CDC14A: variants seen among roughly 807,000 people sequenced by gnomAD.
The protein encoded by CDC14A is cell division cycle 14A.
In CDC14A, 53 loss-of-function variants were observed where a neutral mutation model predicts 74.4. The ratio of observed to expected loss-of-function variants is 0.71; its 90% CI spans 0.57 to 0.89. CDC14A has a LOEUF of 0.89. Ranked by LOEUF, CDC14A falls within the 40% of genes least tolerant of loss-of-function variation. CDC14A has a pLI of 0.00. For synonymous variants in CDC14A, 247 were observed against 258.4 expected, an observed-to-expected ratio of 0.96 and a Z score of 0.43; for missense variants, 646 against 713.7, an observed-to-expected ratio of 0.91 and a Z score of 1.08.
Position 100,513,806 on chromosome 1 carries a change from G to C in CDC14A, c.1756-4445G>C, listed in dbSNP as rs777395292. Among the ~76,000 whole-genome samples, 86 of 152,044 alleles carry C rather than the reference G, an allele frequency of 5.7e-4. 1 individual carries two copies. Among genetic ancestry groups the C allele is most frequent in the Non-Finnish European group, 3.1e-4 (21 of 67,950 alleles). ...AGATTAGTAGCAGATTTCCAGAACA[G>C]AACAAATTGTCTTGATCTCCTTACC... On this transcript the variant is annotated intron_variant, in intron 15 of 15. Transcript: ENST00000336454.
chr1:100,432,533 C>G (rs1307286375), intron 5 of CDC14A, among the ~76,000 whole-genome samples: 1 of 152,166 alleles, frequency 6.6e-6, no homozygotes, highest in Non-Finnish European at 1.5e-5. Context: ...TGGTGACTCA[C>G]AGCTGTAATC....
chr1:100,496,813 T>G (rs150564351), intron 13 of CDC14A, among the ~76,000 whole-genome samples: 27 of 152,196 alleles, frequency 1.8e-4, no homozygotes, highest in African/African-American at 6.3e-4. Context: ...AAGGAAAGAG[T>G]CTACAAGTAA....
chr1:100,480,730 T>C (rs1314161184), intron 10 of CDC14A, among the ~76,000 whole-genome samples: 2 of 152,200 alleles, frequency 1.3e-5, no homozygotes, highest in African/African-American at 4.8e-5. Context: ...GGAAAAGGTA[T>C]TGTAAGCAGT....
intron 10 of CDC14A, among the ~76,000 whole-genome samples, chr1:100,477,904 A>C (rs1420315198): frequency 6.6e-6 from 1 of 152,130 alleles, no homozygotes; most frequent in African/African-American, 2.4e-5. Flanking sequence ...TGAGGACCAA[A>C]ATATGTCCAG....
chr1:100,395,446 C>T (rs754472525), intron 4 of CDC14A, among the ~76,000 whole-genome samples: 10 of 152,236 alleles, frequency 6.6e-5, no homozygotes, highest in Admixed American at 3.9e-4. Context: ...TTCTTTTGTT[C>T]GCTCATCCCA....
chr1:100,352,001 T>TGCGCGC (rs780596608), upstream of CDC14A, among the ~76,000 whole-genome samples: 79 of 133,908 alleles, frequency 5.9e-4, no homozygotes, highest in Non-Finnish European at 5.2e-4. Context: ...TGTGTGTGTG[T>TGCGCGC]GTGCGCGCGC....
chr1:100,460,092 A>T (rs1206425725), intron 8 of CDC14A, among the ~76,000 whole-genome samples: 1 of 152,172 alleles, frequency 6.6e-6, no homozygotes, highest in Non-Finnish European at 1.5e-5. Context: ...CAGCTTTTCC[A>T]GGCACCAGAA....
At chr1:100,422,956 T>C (rs942910700) in intron 4 of CDC14A, among the ~76,000 whole-genome samples, 22 of 152,206 alleles carry the variant, frequency 1.4e-4, no homozygotes, top group Admixed American at 1.4e-3. Flanking sequence ...TCTGCCATTC[T>C]TGTCATTGAA....
intron 4 of CDC14A, among the ~76,000 whole-genome samples, chr1:100,413,413 G>A (rs1378097480): frequency 6.6e-6 from 1 of 152,148 alleles, no homozygotes; most frequent in Non-Finnish European, 1.5e-5. Context: ...CATCTCACCT[G>A]TAAACTTCCT....
At chr1:100,468,226 A>G in intron 10 of CDC14A, 132 bp downstream of exon 10, 3 of 970,728 alleles carry the variant, frequency 3.1e-6, no homozygotes, top group Non-Finnish European at 4.7e-6. Context: ...GTGTGCCTCT[A>G]ATAGAATATT....
intron 15 of CDC14A, among the ~76,000 whole-genome samples, chr1:100,506,970 G>T (rs1649287351): frequency 6.6e-6 from 1 of 152,194 alleles, no homozygotes; most frequent in Non-Finnish European, 1.5e-5. Context: ...GAGGTCAGGA[G>T]TTTGAGACCA....
intron 11 of CDC14A, among the ~76,000 whole-genome samples, chr1:100,486,713 TTA>T (rs1305962498): frequency 1.3e-5 from 2 of 152,208 alleles, no homozygotes; most frequent in Non-Finnish European, 2.9e-5. Context: ...CATCATTATT[TTA>T]GTTTTAGCCA....
chr1:100,446,665 G>GC (rs1665571777), intron 7 of CDC14A, among the ~76,000 whole-genome samples: 1 of 151,838 alleles, frequency 6.6e-6, no homozygotes, highest in Non-Finnish European at 1.5e-5. Flanking sequence ...TTTGAATTAA[G>GC]CCTCAGAAAC....
chr1:100,477,624 A>C (rs1010046789), intron 10 of CDC14A, among the ~76,000 whole-genome samples: 1 of 152,094 alleles, frequency 6.6e-6, no homozygotes, highest in African/African-American at 2.4e-5. Flanking sequence ...AAAAGAAAAA[A>C]ACAAGGCTTT....
chr1:100,374,069 C>T (rs902156456), intron 2 of CDC14A, among the ~76,000 whole-genome samples: 12 of 151,776 alleles, frequency 7.9e-5, no homozygotes, highest in Non-Finnish European at 1.5e-4. Context: ...GTTTTTTGTT[C>T]TTGCGATAGT....
intron 4 of CDC14A, among the ~76,000 whole-genome samples, chr1:100,398,032 G>A (rs569788280): frequency 1.3e-5 from 2 of 152,300 alleles, no homozygotes; most frequent in South Asian, 2.1e-4. Context: ...GGCTCACTGG[G>A]CTTTGAATCC....
intron 10 of CDC14A, among the ~76,000 whole-genome samples, chr1:100,468,902 T>C (rs1233570988): frequency 6.6e-6 from 1 of 152,060 alleles, no homozygotes; most frequent in Non-Finnish European, 1.5e-5. Context: ...TATGCTGGGT[T>C]GACTCTATTT....
chr1:100,430,867 A>G (rs113898132), intron 5 of CDC14A, among the ~76,000 whole-genome samples: 2 of 152,108 alleles, frequency 1.3e-5, no homozygotes, highest in African/African-American at 4.8e-5. Flanking sequence ...TTCATTCTCA[A>G]CTTTTCCTCG....
chr1:100,429,234 T>TAAATAAATAAATAAACAAAC (rs60569646), intron 5 of CDC14A, among the ~76,000 whole-genome samples: 3 of 146,426 alleles, frequency 2.0e-5, no homozygotes, highest in African/African-American at 7.6e-5. Context: ...AATAAATAAA[T>TAAATAAATAAATAAACAAAC]ATAAAATAAA....
Sources: gnomAD v4.1 joint callset for allele counts (sites outside exome capture counted in the v4.1 genomes callset) on GRCh38, gnomAD v4.1.1 for gene constraint, MANE v1.5 for transcripts, NCBI Gene and HGNC (gene_info 2026-07-23, HGNC 2026-07-21) for gene names.